Variants in ERP44 observed in about 807,000 individuals in gnomAD.
The protein encoded by ERP44 is endoplasmic reticulum protein 44.
ERP44 carries 25 observed loss-of-function variants against 53.4 expected under a neutral mutation model. The ratio of observed to expected loss-of-function variants is 0.47; its 90% CI spans 0.34 to 0.65. The LOEUF is 0.65. Ranked by LOEUF, ERP44 falls within the 30% of genes least tolerant of loss-of-function variation. The pLI is 0.01. For missense variants in ERP44, 338 were observed against 493.2 expected (o/e 0.69, Z 2.98); for synonymous variants, 145 against 161.2 (o/e 0.90, Z 0.76).
chr9:99,996,983 ATAT>A (rs1830317353), intron 10 of ERP44, among the ~76,000 whole-genome samples: 1 of 106,692 alleles, frequency 9.4e-6, no homozygotes, highest in Admixed American at 1.2e-4. Flanking sequence ...ACACGTATGT[ATAT>A]GTGTGTGTAT....
intron 1 of ERP44, among the ~76,000 whole-genome samples, chr9:100,089,580 C>CAAAA (rs71498726): frequency 2.3e-4 from 10 of 43,466 alleles, no homozygotes; most frequent in East Asian, 7.3e-4. Context: ...GACTCCATCT[C>CAAAA]AAAAAAAAAA....
chr9:99,988,712 C>T (rs930978519), intron 10 of ERP44, among the ~76,000 whole-genome samples: 1 of 152,104 alleles, frequency 6.6e-6, no homozygotes, highest in Non-Finnish European at 1.5e-5. Flanking sequence ...GAGGGCGAGC[C>T]GAAGCAGGGT....
chr9:99,987,301 G>A (rs1419587391), intron 10 of ERP44, among the ~76,000 whole-genome samples: 1 of 152,178 alleles, frequency 6.6e-6, no homozygotes, highest in Non-Finnish European at 1.5e-5. Flanking sequence ...AATAGACTAC[G>A]TGGTAATCTC....
chr9:100,045,737 GA>G (rs1445614551), intron 4 of ERP44, among the ~76,000 whole-genome samples: 3 of 152,110 alleles, frequency 2.0e-5, no homozygotes, highest in Admixed American at 2.0e-4. Flanking sequence ...CATAATACCA[GA>G]CAGGTGATTG....
At chr9:100,000,402 C>T (rs973239566) in intron 10 of ERP44, among the ~76,000 whole-genome samples, 5 of 147,818 alleles carry the variant, frequency 3.4e-5, no homozygotes, top group Non-Finnish European at 4.4e-5. Context: ...CTCCACTGCA[C>T]GCCAGCCTGA....
chr9:100,021,051 G>GT (rs1460149093), intron 5 of ERP44, among the ~76,000 whole-genome samples: 10 of 152,178 alleles, frequency 6.6e-5, no homozygotes, highest in Non-Finnish European at 2.9e-5. Context: ...TTAAAACAAT[G>GT]TATCAATCAT....
chr9:99,989,915 A>G (rs908705607), intron 10 of ERP44, among the ~76,000 whole-genome samples: 5 of 152,228 alleles, frequency 3.3e-5, no homozygotes, highest in Non-Finnish European at 7.3e-5. Context: ...AGTGGAAGAA[A>G]GGGTATCAGT....
rs780698580 is a variant in ERP44, at chr9:100,016,428, G to A, written c.656C>T (p.Pro219Leu). 1.4e-5 allele frequency: 22 copies of A among 1,600,610 alleles called. No homozygotes were observed. Among genetic ancestry groups the A allele is most frequent in the East Asian group, 6.7e-5 (3 of 44,502 alleles). ...CATAGCTCCCAAGTACACCATATCC[G>A]GAGCAGAATGCTATTACAAAACAGA... is the stretch of plus-strand genomic sequence containing the variant. ...IIYKPPGHSA[P>L]DMVYLGAMTN... The change falls in exon 8 of 12, where the codon CCG (proline) becomes CTG (leucine). Residue 219 changes from proline to leucine, a missense_variant. Pro to Leu is a moderately conservative substitution (Grantham distance 98). This residue lies in a region of ERP44 where 224 missense variants were observed against 301.4 expected (regional missense o/e 0.74). Transcript: ENST00000262455.
chr9:99,998,340 A>G, intron 10 of ERP44: 1 of 543,402 alleles, frequency 1.8e-6, no homozygotes, highest in Non-Finnish European at 3.4e-6. Context: ...CTGTCCCCGA[A>G]CCTTTTGCCT....
intron 1 of ERP44, among the ~76,000 whole-genome samples, chr9:100,089,443 T>C (rs1053267985): frequency 3.3e-5 from 5 of 151,904 alleles, no homozygotes; most frequent in Admixed American, 1.3e-4. Flanking sequence ...TAGCTGGGTG[T>C]AGTGGCGAGT....
At chr9:100,060,060 G>T in intron 2 of ERP44, 40 bp downstream of exon 2, 1 of 1,358,492 alleles carries the variant, frequency 7.4e-7, no homozygotes, top group Non-Finnish European at 9.6e-7. Flanking sequence ...ACTCTCTATA[G>T]AGAAGAAAGA....
chr9:100,039,827 A>G (rs1825883548), intron 4 of ERP44, among the ~76,000 whole-genome samples: 2 of 152,120 alleles, frequency 1.3e-5, no homozygotes, highest in African/African-American at 4.8e-5. Flanking sequence ...ATCAGAAATG[A>G]AAAAGGAGAC....
At chr9:100,067,724 G>A (rs112673618) in intron 1 of ERP44, among the ~76,000 whole-genome samples, 21,322 of 150,608 alleles carry the variant, frequency 0.14, 1,969 homozygotes, top group Non-Finnish European at 0.21. Flanking sequence ...CTGCCCGGCC[G>A]CCATCCCATC....
chr9:99,999,694 AT>A (rs1830357959), intron 10 of ERP44, among the ~76,000 whole-genome samples: 1 of 151,864 alleles, frequency 6.6e-6, no homozygotes, highest in South Asian at 2.1e-4. Flanking sequence ...ACGTAATCCA[AT>A]TTTTCTATTT....
At chr9:99,998,718 AT>A (rs776954586) in intron 10 of ERP44, 1 of 723,888 alleles carries the variant, frequency 1.4e-6, no homozygotes, top group Admixed American at 2.2e-5. Flanking sequence ...GGTTTATCTC[AT>A]TTTTTGCATC....
At chr9:100,074,601 G>A (rs1826336819) in intron 1 of ERP44, among the ~76,000 whole-genome samples, 1 of 152,146 alleles carries the variant, frequency 6.6e-6, no homozygotes, top group Non-Finnish European at 1.5e-5. Flanking sequence ...GAGTCCCCTT[G>A]AGGAAGGACC....
chr9:100,043,207 C>T (rs1372242776), intron 4 of ERP44, among the ~76,000 whole-genome samples: 12 of 123,932 alleles, frequency 9.7e-5, no homozygotes, highest in African/African-American at 2.9e-4. Context: ...TGCAGTGAGC[C>T]GAGATAGCGC....
chr9:100,069,294 A>G (rs182766804), intron 1 of ERP44, among the ~76,000 whole-genome samples: 2 of 149,764 alleles, frequency 1.3e-5, no homozygotes, highest in Non-Finnish European at 3.0e-5. Flanking sequence ...CAATAAAAAA[A>G]AAAAAGAAAA....
intron 1 of ERP44, among the ~76,000 whole-genome samples, chr9:100,060,375 T>C (rs1391763141): frequency 6.6e-6 from 1 of 152,136 alleles, no homozygotes; most frequent in Non-Finnish European, 1.5e-5. Context: ...TAGAAATTGG[T>C]CAAATAAAAC....
Sources: gnomAD v4.1 joint callset for allele counts (sites outside exome capture counted in the v4.1 genomes callset) on GRCh38, gnomAD v4.1.1 for gene constraint, gnomAD v4.1.1 regional missense constraint, MANE v1.5 for transcripts, NCBI Gene and HGNC (gene_info 2026-07-23, HGNC 2026-07-21) for gene names.